CDC14B: variants seen among roughly 807,000 people sequenced by gnomAD.
CDC14B encodes the protein cell division cycle 14B.
A neutral mutation model predicts 64.2 loss-of-function variants in CDC14B; 22 were observed. The observed-to-expected ratio is 0.34, with a 90% CI of 0.24 to 0.49. The LOEUF (loss-of-function observed/expected upper bound fraction) is 0.49, where lower values mean the gene tolerates loss of function less well. CDC14B is among the 20% of genes least tolerant of loss of function. The probability of loss-of-function intolerance (pLI) is 0.99; values close to 1 mark genes in which losing one functional copy is unlikely to be tolerated. For synonymous variants in CDC14B, 191 were observed against 215.8 expected (o/e 0.89, Z 1.01); for missense variants, 498 against 629.9 (o/e 0.79, Z 2.24).
At chr9:96,570,788 G>A (rs1844420018) in intron 1 of CDC14B, among the ~76,000 whole-genome samples, 1 of 152,148 alleles carries the variant, frequency 6.6e-6, no homozygotes, top group African/African-American at 2.4e-5. Context: ...GCACTACCAG[G>A]GTCAACTAGC....
chr9:96,530,279 T>C (rs1340860074), intron 9 of CDC14B, among the ~76,000 whole-genome samples: 1 of 150,908 alleles, frequency 6.6e-6, no homozygotes, highest in East Asian at 1.9e-4. Context: ...GTGCGTAATC[T>C]TGAGGGTTCT....
chr9:96,523,795 AATTTTTTTAAAAGGCTTCTC>A, intron 9 of CDC14B, 70 bp from the exon 10 acceptor site: 1 of 1,524,540 alleles, frequency 6.6e-7, no homozygotes, highest in African/African-American at 1.4e-5. Flanking sequence ...GGGCAGGCAG[AATTTTTTTAAAAGGCTTCTC>A]ATGACTCTGC....
intron 5 of CDC14B, among the ~76,000 whole-genome samples, chr9:96,542,591 T>C (rs1189571726): frequency 6.6e-6 from 1 of 151,936 alleles, no homozygotes; most frequent in Non-Finnish European, 1.5e-5. Flanking sequence ...TGGGTTTAAG[T>C]GATCCTCCCA....
At chr9:96,529,747 C>A (rs1838145673) in intron 9 of CDC14B, among the ~76,000 whole-genome samples, 1 of 152,096 alleles carries the variant, frequency 6.6e-6, no homozygotes, top group Non-Finnish European at 1.5e-5. Context: ...TCTGTCTCAG[C>A]CTCCCAAAGT....
intron 1 of CDC14B, among the ~76,000 whole-genome samples, chr9:96,567,522 T>A (rs1420069863): frequency 6.6e-6 from 1 of 152,262 alleles, no homozygotes; most frequent in African/African-American, 2.4e-5. Context: ...GAGAAAACGC[T>A]TTTAATTGTG....
intron 9 of CDC14B, among the ~76,000 whole-genome samples, chr9:96,526,163 T>G (rs750326294): frequency 6.6e-6 from 1 of 152,010 alleles, no homozygotes; most frequent in East Asian, 1.9e-4. Flanking sequence ...GTCAGGAGAT[T>G]GAGACCATCC....
At chr9:96,601,796 A>G (rs1369107791) in intron 1 of CDC14B, among the ~76,000 whole-genome samples, 135 of 116,414 alleles carry the variant, frequency 1.2e-3, no homozygotes, top group African/African-American at 5.3e-3. Flanking sequence ...GCTGTCTCGA[A>G]AAAAAAAAAA....
chr9:96,548,306 A>G (rs897034005), intron 5 of CDC14B, among the ~76,000 whole-genome samples: 2 of 152,202 alleles, frequency 1.3e-5, no homozygotes, highest in African/African-American at 2.4e-5. Flanking sequence ...ACACACAAAA[A>G]CAACTAAGAA....
At chr9:96,504,728 CG>C (rs1033622887) in intron 13 of CDC14B, among the ~76,000 whole-genome samples, 9 of 152,144 alleles carry the variant, frequency 5.9e-5, no homozygotes, top group African/African-American at 2.2e-4. Context: ...CCAGAGGCAA[CG>C]GAACAGGTGC....
chr9:96,561,430 G>A (rs1843159359), intron 4 of CDC14B, among the ~76,000 whole-genome samples: 1 of 152,146 alleles, frequency 6.6e-6, no homozygotes, highest in Admixed American at 6.5e-5. Flanking sequence ...CCAGAGATAA[G>A]GAGCAAGCTA....
chr9:96,557,429 C>A (rs932355184), intron 4 of CDC14B, among the ~76,000 whole-genome samples: 1 of 152,344 alleles, frequency 6.6e-6, no homozygotes, highest in South Asian at 2.1e-4. Flanking sequence ...TTACCCACTG[C>A]GTCTAGATCC....
chr9:96,552,313 T>C (rs541198299), intron 4 of CDC14B, among the ~76,000 whole-genome samples: 79 of 152,330 alleles, frequency 5.2e-4, no homozygotes, highest in African/African-American at 1.9e-3. Flanking sequence ...ACTCTGTCCA[T>C]GTAGGTGTGA....
At chr9:96,578,045 T>C (rs1844913726) in intron 1 of CDC14B, among the ~76,000 whole-genome samples, 1 of 152,116 alleles carries the variant, frequency 6.6e-6, no homozygotes, top group Admixed American at 6.6e-5. Context: ...GAAAACCAAA[T>C]TTACAGAACA....
chr9:96,496,072 G>A (rs560194376), downstream of CDC14B: 28 of 342,662 alleles, frequency 8.2e-5, no homozygotes, highest in South Asian at 1.5e-4. Context: ...GCCCTGCTGC[G>A]CCTGGAATGG....
intron 5 of CDC14B, among the ~76,000 whole-genome samples, chr9:96,549,672 A>G (rs58585716): frequency 0.017 from 2,526 of 152,206 alleles, 70 homozygotes; most frequent in African/African-American, 0.058. Flanking sequence ...TAAAAAAAAA[A>G]AAAGAAAGAA....
At chr9:96,571,690 C>T (rs1844483838) in intron 1 of CDC14B, among the ~76,000 whole-genome samples, 1 of 152,088 alleles carries the variant, frequency 6.6e-6, no homozygotes, top group Non-Finnish European at 1.5e-5. Flanking sequence ...CTCCCAACTC[C>T]CATAAGTTTT....
intron 5 of CDC14B, among the ~76,000 whole-genome samples, chr9:96,545,746 C>T (rs1840725379): frequency 8.0e-5 from 12 of 150,858 alleles, no homozygotes; most frequent in Admixed American, 7.9e-4. Context: ...CTGTGGGGCA[C>T]AGCCCCGCTC....
At chr9:96,561,639 C>T (rs1468161481) in intron 4 of CDC14B, among the ~76,000 whole-genome samples, 15 of 151,126 alleles carry the variant, frequency 9.9e-5, no homozygotes, top group Non-Finnish European at 2.2e-4. Context: ...CCACCACGCC[C>T]GGCTCATTTT....
intron 1 of CDC14B, among the ~76,000 whole-genome samples, chr9:96,585,991 T>G (rs918804909): frequency 7.9e-5 from 12 of 152,184 alleles, no homozygotes; most frequent in Admixed American, 5.9e-4. Context: ...TCCATATGCA[T>G]CAAGTTCAAG....
Sources: gnomAD v4.1 joint callset for allele counts (sites outside exome capture counted in the v4.1 genomes callset) on GRCh38, gnomAD v4.1.1 for gene constraint, MANE v1.5 for transcripts, NCBI Gene and HGNC (gene_info 2026-07-23, HGNC 2026-07-21) for gene names.